ETS1: variants seen among roughly 807,000 people sequenced by gnomAD.
ETS1 encodes ETS proto-oncogene 1, transcription factor.
Under a neutral mutation model 58.6 loss-of-function variants are expected in ETS1, and 15 were observed. The observed-to-expected ratio is 0.26, with a 90% CI of 0.17 to 0.39. The LOEUF (loss-of-function observed/expected upper bound fraction) is 0.39, where lower values mean the gene tolerates loss of function less well. Ranked by LOEUF, ETS1 falls within the 10% of genes least tolerant of loss-of-function variation. The pLI, the probability that ETS1 is intolerant of heterozygous loss-of-function variation, is 1.00. For missense variants in ETS1, 417 were observed against 610.5 expected, an observed-to-expected ratio of 0.68 and a Z score of 3.34; for synonymous variants, 214 against 218.2, an observed-to-expected ratio of 0.98 and a Z score of 0.17.
At chr11:128,570,445 T>C (rs1864603671) in intron 2 of ETS1, among the ~76,000 whole-genome samples, 1 of 152,098 alleles carries the variant, frequency 6.6e-6, no homozygotes, top group Non-Finnish European at 1.5e-5. Flanking sequence ...TTTCATCATG[T>C]TGGCCAGGCT....
chr11:128,491,185 C>T (rs1862789413), intron 3 of ETS1, among the ~76,000 whole-genome samples: 1 of 152,186 alleles, frequency 6.6e-6, no homozygotes, highest in Non-Finnish European at 1.5e-5. Flanking sequence ...TACATACTTT[C>T]AGTTACCTAT....
chr11:128,462,949 A>G (rs1861941958), intron 9 of ETS1, among the ~76,000 whole-genome samples: 1 of 152,224 alleles, frequency 6.6e-6, no homozygotes, highest in Non-Finnish European at 1.5e-5. Context: ...GGAAGTGTGA[A>G]GCGGAGGAGC....
chr11:128,585,112 G>A lies in ETS1; in HGVS notation c.-15+2376C>T, dbSNP rs1419790163. ...AAAGGAAAGAAAGAAAGGAAGGAAGGAAGGAAAGAAAGAAGAAAGAAAGAA... is the reference window on the plus strand; with the variant it reads ...AAAGGAAAGAAAGAAAGGAAGGAAGAAAGGAAAGAAAGAAGAAAGAAAGAA... On this transcript the variant is annotated intron_variant, in intron 1 of 9. Transcript: ENST00000392668. Among the ~76,000 whole-genome samples the A allele has an allele frequency of 4.1e-4, 8 of 19,436 alleles. 1 individual carries two copies. The highest frequency in any genetic ancestry group is 1.9e-3 in the African/African-American group (4 of 2,156). The allele number at this position is 19,436 out of a possible 152,430, so 12.8% of individuals were successfully genotyped here.
chr11:128,533,101 G>A (rs191882586), intron 3 of ETS1, among the ~76,000 whole-genome samples: 108 of 152,236 alleles, frequency 7.1e-4, no homozygotes, highest in African/African-American at 2.5e-3. Flanking sequence ...ATCAATGTTG[G>A]TGAGTTTGTT....
chr11:128,554,388 G>A (rs1864281390), intron 3 of ETS1, among the ~76,000 whole-genome samples: 1 of 152,080 alleles, frequency 6.6e-6, no homozygotes, highest in African/African-American at 2.4e-5. Flanking sequence ...AAGCTGGGGT[G>A]ACCCCAGCTT....
chr11:128,520,488 T>C (rs1489852297), intron 3 of ETS1, among the ~76,000 whole-genome samples: 1 of 152,238 alleles, frequency 6.6e-6, no homozygotes, highest in Non-Finnish European at 1.5e-5. Flanking sequence ...ATCTTTTCAC[T>C]TCTATATATG....
At chr11:128,555,629 C>T (rs1351972244) in intron 3 of ETS1, among the ~76,000 whole-genome samples, 1 of 144,712 alleles carries the variant, frequency 6.9e-6, no homozygotes, top group South Asian at 2.2e-4. Flanking sequence ...ACAAAACAAA[C>T]AAAAAAAAAA....
intron 3 of ETS1, among the ~76,000 whole-genome samples, chr11:128,541,679 C>T (rs1278752957): frequency 6.6e-6 from 1 of 152,158 alleles, no homozygotes; most frequent in Non-Finnish European, 1.5e-5. Context: ...ATGATCCTGA[C>T]AGATTAATTT....
At chr11:128,494,836 C>T (rs1862896087) in intron 3 of ETS1, among the ~76,000 whole-genome samples, 1 of 152,022 alleles carries the variant, frequency 6.6e-6, no homozygotes. Context: ...GTCTGGGATC[C>T]TAGGGTTAGG....
At chr11:128,488,420 G>A (rs150261862) in intron 5 of ETS1, among the ~76,000 whole-genome samples, 175 of 152,230 alleles carry the variant, frequency 1.1e-3, no homozygotes, top group African/African-American at 3.2e-3. Context: ...ATAATGCGGG[G>A]TAAAAGTGCT....
At chr11:128,559,884 C>T (rs1360936558) in intron 2 of ETS1, among the ~76,000 whole-genome samples, 2 of 152,208 alleles carry the variant, frequency 1.3e-5, no homozygotes, top group African/African-American at 2.4e-5. Context: ...ATCACCACAC[C>T]AAACAGGTCC....
Position 128,549,093 on chromosome 11 carries a change from CTGCAG to C in ETS1, c.214+7193_214+7197del, listed in dbSNP as rs1428895760. On this transcript the variant is annotated intron_variant, in intron 3 of 9. Coordinates refer to ENST00000392668, the MANE Select transcript of ETS1 (RefSeq NM_001143820.2). The surrounding 1 kb of genome is among the most constrained non-coding windows in gnomAD (Gnocchi z 4.3). Reference sequence around the variant, plus strand: ...GCAGGCTCCGGGCTGAGACCCCTGGCTGCAGTGCAAGAAAGCAACTTATTAATGAG... The same window carrying C: ...GCAGGCTCCGGGCTGAGACCCCTGGCTGCAAGAAAGCAACTTATTAATGAG... 6.6e-6 allele frequency among the ~76,000 whole-genome samples: 1 copy of C among 152,196 alleles called. No individual in the cohort carries two copies. Among genetic ancestry groups the C allele is most frequent in the Non-Finnish European group, 1.5e-5 (1 of 68,026 alleles).
intron 3 of ETS1, among the ~76,000 whole-genome samples, chr11:128,539,187 A>G (rs1864018295): frequency 6.6e-6 from 1 of 152,238 alleles, no homozygotes; most frequent in Non-Finnish European, 1.5e-5. Flanking sequence ...AAACAAAGAA[A>G]AAATAGATAA....
intron 7 of ETS1, among the ~76,000 whole-genome samples, chr11:128,480,967 A>C (rs1257294861): frequency 6.6e-6 from 1 of 152,222 alleles, no homozygotes; most frequent in Non-Finnish European, 1.5e-5. Flanking sequence ...GACTAAGAGC[A>C]GATTAGCCTG....
chr11:128,524,713 G>A (rs1194128122), intron 3 of ETS1, among the ~76,000 whole-genome samples: 1 of 152,106 alleles, frequency 6.6e-6, no homozygotes, highest in Non-Finnish European at 1.5e-5. Flanking sequence ...GCCTAGCCTA[G>A]TGCCTAAGAC....
At chr11:128,512,398 C>A (rs1294984600) in intron 3 of ETS1, among the ~76,000 whole-genome samples, 7 of 152,132 alleles carry the variant, frequency 4.6e-5, no homozygotes, top group African/African-American at 1.2e-4. Flanking sequence ...GTTTTTCCCC[C>A]AAAAACTGGC....
chr11:128,500,444 C>A (rs1255825846), intron 3 of ETS1, among the ~76,000 whole-genome samples: 1 of 151,528 alleles, frequency 6.6e-6, no homozygotes, highest in Non-Finnish European at 1.5e-5. Flanking sequence ...ACCGTTTTTC[C>A]AATGGGAAAA....
chr11:128,521,382 C>T (rs1863663733), intron 3 of ETS1, among the ~76,000 whole-genome samples: 1 of 152,170 alleles, frequency 6.6e-6, no homozygotes, highest in South Asian at 2.1e-4. Context: ...CCTCCGATCT[C>T]CTTACCCTCA....
chr11:128,544,451 T>G (rs1222208532), intron 3 of ETS1, among the ~76,000 whole-genome samples: 1 of 150,770 alleles, frequency 6.6e-6, no homozygotes, highest in Non-Finnish European at 1.5e-5. Context: ...TGTGGATAAA[T>G]GTACTGAAGC....
Sources: allele counts gnomAD v4.1 joint callset (sites outside exome capture counted in the v4.1 genomes callset), GRCh38; gene constraint gnomAD v4.1.1; non-coding constraint Gnocchi (gnomAD v3.1); transcripts MANE v1.5; gene names NCBI Gene and HGNC (gene_info 2026-07-23, HGNC 2026-07-21).